ATM: variants seen among roughly 807,000 people sequenced by gnomAD.
ATM encodes ATM serine/threonine kinase, also known as serine-protein kinase ATM.
ATM carries 308 observed loss-of-function variants against 387.0 expected under a neutral mutation model. The observed-to-expected ratio is 0.80, with a 90% CI of 0.73 to 0.87. ATM has a LOEUF of 0.87. Among genes scored for constraint, ATM ranks in the 40% least tolerant of loss-of-function variants. ATM has a pLI of 0.00. For missense variants in ATM, 3,312 were observed against 3,560.9 expected, an observed-to-expected ratio of 0.93 and a Z score of 1.78; for synonymous variants, 1,156 against 1,187.3, an observed-to-expected ratio of 0.97 and a Z score of 0.54.
intron 9 of ATM, 91 bp from the exon 10 acceptor site, chr11:108,250,610 G>A (rs2135312044): frequency 2.3e-6 from 3 of 1,325,822 alleles, no homozygotes; most frequent in Non-Finnish European, 3.2e-6. Context: ...CTCTAATTAG[G>A]ATATTGTAAG....
chr11:108,227,744 G>A (rs762943692), intron 2 of ATM, 32 bp from the exon 3 acceptor site: 2 of 1,611,330 alleles, frequency 1.2e-6, no homozygotes, highest in South Asian at 2.2e-5. Flanking sequence ...AGTGTGATTA[G>A]TAACCCATTA....
rs776227830 is a variant in ATM, at chr11:108,244,793, A to G, written c.668A>G (p.Glu223Gly). 8 of 1,613,012 alleles carry G rather than the reference A, an allele frequency of 5.0e-6. No homozygotes were observed. In the Admixed American group the frequency reaches 1.3e-4, roughly 27 times the overall value. Residue 223 changes from glutamate to glycine, a missense_variant, in exon 7 of 63, where the codon GAA (glutamate) becomes GGA (glycine). By Grantham distance (98) the Glu-to-Gly change is moderately conservative (BLOSUM62 -2). This residue lies in a region of ATM where 1,791 missense variants were observed against 1,804.5 expected (regional missense o/e 0.99). Coordinates refer to ENST00000675843, the MANE Select transcript of ATM (RefSeq NM_000051.4). The stretch of plus-strand genomic sequence containing the variant: ...GCTTGTTTGTTTCTTCACAGACAAG[A>G]AAAGAGCTCTTCAGGTCTAAATCAT... ...FSKAIQCARQ[E>G]KSSSGLNHIL...
intron 3 of ATM, among the ~76,000 whole-genome samples, chr11:108,228,430 C>A (rs1430772378): frequency 1.3e-5 from 2 of 152,066 alleles, no homozygotes; most frequent in African/African-American, 2.4e-5. Flanking sequence ...ACCGTGAAAT[C>A]CATTTATAAC....
intron 52 of ATM, among the ~76,000 whole-genome samples, 159 bp downstream of exon 52, chr11:108,332,196 G>T (rs553730349): frequency 6.6e-6 from 1 of 152,292 alleles, no homozygotes; most frequent in Admixed American, 6.5e-5. Context: ...GGGAGGCTGA[G>T]GCGGGTGGAT....
rs1055060221 is a variant in ATM, at chr11:108,265,250, A to C, written c.2467-1921A>C. Among the ~76,000 whole-genome samples, 456 of 152,138 alleles carry C rather than the reference A, an allele frequency of 3.0e-3. 1 individual carries two copies. Among genetic ancestry groups the C allele is most frequent in the Non-Finnish European group, 4.8e-3 (328 of 67,930 alleles). Reference sequence around the variant, plus strand: ...TCAAACTATACTACAAGGCTGCAGTAACCAAAACAGCATGGTACTGGTACC... The same window carrying C: ...TCAAACTATACTACAAGGCTGCAGTCACCAAAACAGCATGGTACTGGTACC... On this transcript the variant is annotated intron_variant, in intron 16 of 62. Transcript: ENST00000675843.
intron 56 of ATM, among the ~76,000 whole-genome samples, chr11:108,342,891 C>CAGTT (rs1247860291): frequency 6.6e-6 from 1 of 152,116 alleles, no homozygotes; most frequent in African/African-American, 2.4e-5. Flanking sequence ...TTAAGGAAAG[C>CAGTT]AGTTAATTCC....
At chr11:108,346,048 T>C (rs2088340842) in intron 58 of ATM, 140 bp downstream of exon 58, 1 of 896,152 alleles carries the variant, frequency 1.1e-6, no homozygotes, top group Non-Finnish European at 1.8e-6. Flanking sequence ...CCCATCTTCA[T>C]TATTAAATCA....
At chr11:108,290,826 T>C (rs1366061140) in intron 29 of ATM, among the ~76,000 whole-genome samples, 1 of 124,860 alleles carries the variant, frequency 8.0e-6, no homozygotes, top group Non-Finnish European at 1.7e-5. Context: ...TTCACTCAAT[T>C]AAAAAAAAAA....
intron 16 of ATM, among the ~76,000 whole-genome samples, chr11:108,259,691 A>C (rs1213039664): frequency 6.6e-6 from 1 of 152,166 alleles, no homozygotes; most frequent in East Asian, 1.9e-4. Flanking sequence ...CAAAATTTAA[A>C]ATAATTATTT....
intron 54 of ATM, 38 bp from the exon 55 acceptor site, chr11:108,334,928 TGTA>T: frequency 6.3e-7 from 1 of 1,584,770 alleles, no homozygotes; most frequent in Non-Finnish European, 8.7e-7. Flanking sequence ...GTGCAAATAG[TGTA>T]TCTGACCTAT....
chr11:108,262,484 C>T (rs1483722050), intron 16 of ATM, among the ~76,000 whole-genome samples: 1 of 152,176 alleles, frequency 6.6e-6, no homozygotes, highest in African/African-American at 2.4e-5. Flanking sequence ...CTGAAGGAAG[C>T]ATTAAACATG....
At chr11:108,232,110 C>T (rs1393248893) in intron 4 of ATM, among the ~76,000 whole-genome samples, 1 of 152,186 alleles carries the variant, frequency 6.6e-6, no homozygotes, top group African/African-American at 2.4e-5. Context: ...AGTGAACAAA[C>T]CTTTTAATTG....
rs1555116507 is a variant in ATM at position 108,320,037 on chromosome 11, A to G, written c.6431A>G (p.Tyr2144Cys). Reference protein sequence around the residue: ...SLRDREFSTFYESLKYARVKE... With the variant: ...SLRDREFSTFCESLKYARVKE... The stretch of plus-strand genomic sequence containing the variant: ...AGAGACAGAGAATTCTCTACATTTT[A>G]TGAAAGTCTCAAATATGCCAGGTAT... The change falls in exon 44 of 63, where the codon TAT becomes TGT. Residue 2144 changes from tyrosine (Y) to cysteine (C), a missense_variant. This residue lies in a region of ATM where 1,405 missense variants were observed against 1,604.4 expected (regional missense o/e 0.88). Transcript: ENST00000675843. 1.2e-6 allele frequency: 2 copies of G among 1,604,112 alleles called. No individual in the cohort carries two copies. The highest frequency in any genetic ancestry group is 1.7e-6 in the Non-Finnish European group (2 of 1,171,018).
chr11:108,227,537 T>G lies in ATM; in HGVS notation c.-30-58T>G, dbSNP rs893791140. 155 of 1,071,834 alleles carry G rather than the reference T, an allele frequency of 1.4e-4. 1 individual carries two copies. In the South Asian group the frequency reaches 1.9e-3, roughly 13 times the overall value. The allele number at this position is 1,071,834 out of a possible 1,614,324, so 66.4% of individuals were successfully genotyped here. A position where few individuals can be genotyped will look rare whatever the true frequency, so the allele number is the denominator to read the frequency against. ...ATACACATTTTTTCACACCTCTTTC[T>G]CTCTATATATGCATATATACATATA... On this transcript the variant is annotated intron_variant, in intron 1 of 62. Transcript: ENST00000675843.
chr11:108,301,850 G>A (rs2083451359), intron 35 of ATM, 61 bp downstream of exon 35: 1 of 1,570,188 alleles, frequency 6.4e-7, no homozygotes, highest in Non-Finnish European at 8.7e-7. Context: ...TCTGTTTGCT[G>A]TGGGTCATGA....
At chr11:108,312,660 G>C (rs1217590294) in intron 40 of ATM, among the ~76,000 whole-genome samples, 162 bp downstream of exon 40, 1 of 143,488 alleles carries the variant, frequency 7.0e-6, no homozygotes, top group African/African-American at 2.5e-5. Context: ...AAGCCTTAGA[G>C]TAGACAGACT....
chr11:108,293,897 ATAT>A lies in ATM; in HGVS notation c.4776+421_4776+423del, dbSNP rs1565464499. 6.0e-3 allele frequency among the ~76,000 whole-genome samples: 680 copies of A among 114,106 alleles called. 3 individuals are homozygous for A. Among genetic ancestry groups the A allele is most frequent in the African/African-American group, 0.019 (556 of 29,452 alleles). The allele number at this position is 114,106 out of a possible 152,430, so 74.9% of individuals were successfully genotyped here. A position where few individuals can be genotyped will look rare whatever the true frequency, so the allele number is the denominator to read the frequency against. ...TGTCTCAAAAAAAAAAAAAAAAAATATATATATATATATATATATATATGTGTG... is the reference window on the plus strand; with the variant it reads ...TGTCTCAAAAAAAAAAAAAAAAAATAATATATATATATATATATATGTGTG... On this transcript the variant is annotated intron_variant, in intron 31 of 62. Transcript: ENST00000675843.
intron 23 of ATM, 22 bp downstream of exon 23, chr11:108,279,630 T>C: frequency 1.9e-6 from 3 of 1,551,268 alleles, no homozygotes; most frequent in Non-Finnish European, 2.7e-6. Context: ...TAACATGTAT[T>C]TGCTGTTATC....
chr11:108,362,491 C>T (rs1260752723), intron 61 of ATM, among the ~76,000 whole-genome samples: 1 of 150,050 alleles, frequency 6.7e-6, no homozygotes, highest in Non-Finnish European at 1.5e-5. Flanking sequence ...TATAAAGACA[C>T]ATGCACACGT....
Sources: gnomAD v4.1 joint callset for allele counts (sites outside exome capture counted in the v4.1 genomes callset) on GRCh38, gnomAD v4.1.1 for gene constraint, gnomAD v4.1.1 regional missense constraint, MANE v1.5 for transcripts, NCBI Gene and HGNC (gene_info 2026-07-23, HGNC 2026-07-21) for gene names.